The following FRMD7 variants were observed in gnomAD, a reference collection of about 807,000 sequenced individuals.
FRMD7 encodes FERM domain-containing protein 7.
Under a neutral mutation model 44.1 loss-of-function variants are expected in FRMD7, and 14 were observed. The ratio of observed to expected loss-of-function variants is 0.32; its 90% CI spans 0.21 to 0.50. The LOEUF (loss-of-function observed/expected upper bound fraction) is 0.50. FRMD7 is among the 20% of genes least tolerant of loss of function. The probability of loss-of-function intolerance (pLI) is 0.99; values close to 1 mark genes in which losing one functional copy is unlikely to be tolerated. For synonymous variants in FRMD7, 212 were observed against 187.4 expected (o/e 1.13, Z -1.07); for missense variants, 501 against 522.3 (o/e 0.96, Z 0.40).
At chrX:132,114,431 A>G (rs368100886) in intron 1 of FRMD7, among the ~76,000 whole-genome samples, 1 of 111,803 alleles carries the variant, frequency 8.9e-6, no homozygotes, top group Non-Finnish European at 1.9e-5. Flanking sequence ...TAGAATTTCA[A>G]TGTATAAAAT....
intron 5 of FRMD7, among the ~76,000 whole-genome samples, chrX:132,091,272 C>T (rs1188197599): frequency 1.8e-5 from 2 of 111,083 alleles, no homozygotes; most frequent in East Asian, 2.8e-4. Context: ...AACCAACACA[C>T]CTGGCCCTTT....
intron 5 of FRMD7, among the ~76,000 whole-genome samples, chrX:132,091,949 G>A (rs1209303674): frequency 8.9e-6 from 1 of 111,992 alleles, no homozygotes; most frequent in Admixed American, 9.5e-5. Context: ...TCCCTCCTAC[G>A]CTTCATTTTT....
chrX:132,122,009 A>T (rs1929046414), intron 1 of FRMD7, among the ~76,000 whole-genome samples: 2 of 111,678 alleles, frequency 1.8e-5, no homozygotes, highest in South Asian at 7.5e-4. Context: ...ACCCTACAGG[A>T]AGCGCAGAAA....
intron 4 of FRMD7, among the ~76,000 whole-genome samples, chrX:132,095,109 T>G (rs867176788): frequency 4.2e-5 from 4 of 94,797 alleles, no homozygotes; most frequent in African/African-American, 1.5e-4. Context: ...TTTATTTATT[T>G]ATTGAGATAG....
At chrX:132,112,496 G>A (rs746862149) in intron 1 of FRMD7, among the ~76,000 whole-genome samples, 6 of 111,850 alleles carry the variant, frequency 5.4e-5, no homozygotes, top group Non-Finnish European at 1.1e-4. Flanking sequence ...CCTGGTGGGG[G>A]TAAGCAGAGA....
intron 8 of FRMD7, 152 bp downstream of exon 8, chrX:132,084,338 A>C: frequency 2.1e-6 from 1 of 472,829 alleles, no homozygotes; most frequent in Non-Finnish European, 3.7e-6. Flanking sequence ...AATGATTAAA[A>C]CTCTGGTTGA....
At position 132,078,935 on chromosome X, in the gene FRMD7, C is replaced by A. The variant is rs777290427; in HGVS notation, c.1082G>T (p.Gly361Val). The A allele has an allele frequency of 7.5e-5, 90 of 1,206,993 alleles. No homozygotes were observed. In the Admixed American group the frequency reaches 1.9e-3, roughly 26 times the overall value. Residue 361 changes from glycine (G) to valine (V), a missense_variant, in exon 12 of 12, where the codon GGC becomes GTC. Gly to Val is a moderately radical substitution (Grantham distance 109, BLOSUM62 -3). This residue lies in a region of FRMD7 where 453 missense variants were observed against 452.7 expected (regional missense o/e 1.00). Coordinates refer to ENST00000298542, the MANE Select transcript of FRMD7 (RefSeq NM_194277.3). ...VEDLRLAYGG[G>V]YYQNVNGVHA... The stretch of plus-strand genomic sequence containing the variant: ...CACTCCATTCACATTTTGGTAGTAG[C>A]CACCACCATATGCTAGTCTCAAATC...
intron 2 of FRMD7, 94 bp from the exon 3 acceptor site, chrX:132,099,604 G>T: frequency 1.7e-6 from 1 of 603,780 alleles, no homozygotes; most frequent in Non-Finnish European, 2.7e-6. Context: ...TGAAATAAAT[G>T]AGTACCAGGA....
chrX:132,092,522 C>T (rs1247542831), intron 5 of FRMD7, among the ~76,000 whole-genome samples: 1 of 112,066 alleles, frequency 8.9e-6, no homozygotes, highest in Non-Finnish European at 1.9e-5. Context: ...CAATCAATTG[C>T]GAAGAACTAC....
Position 132,127,818 on chromosome X carries a change from CA to C in FRMD7, c.26del (p.Leu9TrpfsTer22). 1 of 1,208,957 alleles carries C rather than the reference CA, an allele frequency of 8.3e-7. No individual in the cohort carries two copies. Among genetic ancestry groups the C allele is most frequent in the Admixed American group, 2.2e-5 (1 of 45,988 alleles). MLHLKVQF[L>X]DDSQKIFVVD... ...CCACAAAAATCTTCTGGGAATCATC[CA>C]AAAACTGCACTTTTAAATGTAGCAT... On this transcript the variant is annotated frameshift_variant, in exon 1 of 12. Coordinates refer to ENST00000298542, the MANE Select transcript of FRMD7 (RefSeq NM_194277.3). LOFTEE classifies it high-confidence loss of function.
intron 11 of FRMD7, among the ~76,000 whole-genome samples, 161 bp downstream of exon 11, chrX:132,079,845 G>T (rs1213798746): frequency 8.9e-6 from 1 of 111,856 alleles, no homozygotes; most frequent in African/African-American, 3.3e-5. Flanking sequence ...TCTTCTATTG[G>T]CAGGAAAGAC....
chrX:132,099,446 T>C, intron 3 of FRMD7, 22 bp downstream of exon 3: 1 of 1,173,277 alleles, frequency 8.5e-7, no homozygotes, highest in Non-Finnish European at 1.2e-6. Flanking sequence ...ACTCTCTTCC[T>C]TAAATGATTT....
chrX:132,110,864 C>A (rs1026180376), intron 1 of FRMD7, among the ~76,000 whole-genome samples: 2 of 112,612 alleles, frequency 1.8e-5, no homozygotes, highest in Admixed American at 9.4e-5. Context: ...TTCTGACAAC[C>A]TATTTTGTTC....
chrX:132,105,081 T>C (rs897044352), intron 1 of FRMD7, among the ~76,000 whole-genome samples: 1 of 111,870 alleles, frequency 8.9e-6, no homozygotes, highest in African/African-American at 3.3e-5. Flanking sequence ...TCTGGAAAGA[T>C]TCTGTACTCA....
chrX:132,112,933 G>A (rs910675636), intron 1 of FRMD7, among the ~76,000 whole-genome samples: 2 of 111,560 alleles, frequency 1.8e-5, no homozygotes, highest in Non-Finnish European at 3.8e-5. Flanking sequence ...CACATTCTTT[G>A]GTGAAGTAAC....
At chrX:132,090,575 C>T (rs1928136977) in intron 5 of FRMD7, among the ~76,000 whole-genome samples, 1 of 111,061 alleles carries the variant, frequency 9.0e-6, no homozygotes, top group Admixed American at 9.6e-5. Flanking sequence ...GGCGTGACTG[C>T]AAGTAGGGAT....
chrX:132,111,325 A>G (rs947429526), intron 1 of FRMD7, among the ~76,000 whole-genome samples: 7 of 111,180 alleles, frequency 6.3e-5, no homozygotes, highest in Non-Finnish European at 1.3e-4. Flanking sequence ...TTTGGTAGAG[A>G]TGAGCTTTCA....
intron 5 of FRMD7, among the ~76,000 whole-genome samples, chrX:132,092,902 C>G: frequency 8.9e-6 from 1 of 111,930 alleles, no homozygotes; most frequent in Non-Finnish European, 1.9e-5. Flanking sequence ...TAAACAGGCC[C>G]TATGTTTGGG....
chrX:132,097,368 G>T, intron 3 of FRMD7, 24 bp from the exon 4 acceptor site: 1 of 928,603 alleles, frequency 1.1e-6, no homozygotes, highest in Non-Finnish European at 1.6e-6. Context: ...ATCTCCATAA[G>T]TTTTATTTAA....
Sources: gnomAD v4.1 joint callset for allele counts (sites outside exome capture counted in the v4.1 genomes callset) on GRCh38, gnomAD v4.1.1 for gene constraint, gnomAD v4.1.1 regional missense constraint, MANE v1.5 for transcripts, NCBI Gene and HGNC (gene_info 2026-07-23, HGNC 2026-07-21) for gene names.